Variants in GGNBP2 observed in about 807,000 individuals in gnomAD.
GGNBP2 encodes gametogenetin binding protein 2, also known as gametogenetin-binding protein 2.
GGNBP2 carries 10 observed loss-of-function variants against 85.9 expected under a neutral mutation model. That is an observed-to-expected ratio of 0.12 (90% CI 0.07 to 0.20). The LOEUF (loss-of-function observed/expected upper bound fraction) is 0.20, where lower values mean the gene tolerates loss of function less well. GGNBP2 is among the 10% of genes least tolerant of loss of function. The pLI is 1.00. For missense variants in GGNBP2, 595 were observed against 857.8 expected, an observed-to-expected ratio of 0.69 and a Z score of 3.83; for synonymous variants, 287 against 285.7, an observed-to-expected ratio of 1.00 and a Z score of -0.05.
intron 12 of GGNBP2, chr17:36,586,443 A>T: frequency 2.0e-6 from 1 of 494,454 alleles, no homozygotes; most frequent in Non-Finnish European, 3.6e-6. Context: ...TTTTAAAATT[A>T]TAAGCTGTGT....
intron 9 of GGNBP2, chr17:36,581,845 G>A: frequency 5.2e-6 from 1 of 194,044 alleles, no homozygotes; most frequent in Non-Finnish European, 1.0e-5. Context: ...ATGTAAAATG[G>A]TGTAATATTT....
chr17:36,579,023 CTTTATT>C (rs1466941911), intron 7 of GGNBP2: 3 of 486,938 alleles, frequency 6.2e-6, no homozygotes, highest in Admixed American at 7.1e-5. Context: ...TCCTGAATTA[CTTTATT>C]TTTAGCAATA....
intron 6 of GGNBP2, among the ~76,000 whole-genome samples, chr17:36,574,058 T>G (rs1032274869): frequency 2.6e-5 from 4 of 152,156 alleles, no homozygotes; most frequent in Non-Finnish European, 1.5e-5. Flanking sequence ...TTTCCCATTC[T>G]TTGGGTTGCC....
intron 9 of GGNBP2, among the ~76,000 whole-genome samples, chr17:36,583,710 G>A (rs1201184807): frequency 6.6e-6 from 1 of 152,034 alleles, no homozygotes; most frequent in Non-Finnish European, 1.5e-5. Flanking sequence ...CAGTCTGCCC[G>A]CTTCTGCCTC....
Position 36,560,878 on chromosome 17 carries a change from A to G in GGNBP2, c.527+7A>G, listed in dbSNP as rs898816969. Reference sequence around the variant, plus strand: ...ACAAGCCAAAACCTTTGGGGTAAGTAGAATTGAATACCAAGAGGCTTTGTC... The same window carrying G: ...ACAAGCCAAAACCTTTGGGGTAAGTGGAATTGAATACCAAGAGGCTTTGTC... On this transcript the variant is annotated splice_region_variant and intron_variant, in intron 5 of 13. Transcript: ENST00000613102. The G allele has an allele frequency of 2.2e-6, 3 of 1,382,824 alleles. No individual in the cohort carries two copies. Among genetic ancestry groups the G allele is most frequent in the Non-Finnish European group, 2.0e-6 (2 of 990,418 alleles). 85.7% of individuals were successfully genotyped at this position (1,382,824 alleles called of 1,614,324 possible). A position where few individuals can be genotyped will look rare whatever the true frequency, so the allele number is the denominator to read the frequency against.
intron 5 of GGNBP2, among the ~76,000 whole-genome samples, chr17:36,562,458 T>C (rs2074426822): frequency 6.6e-6 from 1 of 151,284 alleles, no homozygotes; most frequent in Admixed American, 6.6e-5. Flanking sequence ...CGTGAGCCAC[T>C]GCACCTGGCC....
At chr17:36,579,143 C>A in intron 7 of GGNBP2, 102 bp from the exon 8 acceptor site, 1 of 891,982 alleles carries the variant, frequency 1.1e-6, no homozygotes. Context: ...TGTCTTGTTA[C>A]TAGGTAAGCA....
At chr17:36,568,267 G>A (rs953026991) in intron 6 of GGNBP2, among the ~76,000 whole-genome samples, 6 of 151,416 alleles carry the variant, frequency 4.0e-5, no homozygotes, top group Non-Finnish European at 8.8e-5. Flanking sequence ...TAGCCTTCTT[G>A]TGTTAAGCCA....
At chr17:36,575,618 A>ATATATATG (rs2074569340) in intron 6 of GGNBP2, among the ~76,000 whole-genome samples, 1 of 65,056 alleles carries the variant, frequency 1.5e-5, no homozygotes. Context: ...TGTAACATAT[A>ATATATATG]TATATATATA....
intron 12 of GGNBP2, 101 bp downstream of exon 12, chr17:36,586,299 T>A: frequency 7.0e-7 from 1 of 1,426,268 alleles, no homozygotes; most frequent in Non-Finnish European, 9.2e-7. Flanking sequence ...TAGGATTTAC[T>A]TTTTTTAGAA....
intron 6 of GGNBP2, among the ~76,000 whole-genome samples, chr17:36,575,630 ATATATATATATATATATATT>A (rs1270703429): frequency 1.4e-4 from 6 of 42,898 alleles, no homozygotes; most frequent in African/African-American, 2.1e-4. Flanking sequence ...ATATATATAT[ATATATATATATATATATATT>A]TTTTTTTTTT....
chr17:36,576,649 GTATATA>G (rs1236643568), intron 6 of GGNBP2: 2 of 116,474 alleles, frequency 1.7e-5, no homozygotes, highest in Non-Finnish European at 3.3e-5. Flanking sequence ...ATATGTATAT[GTATATA>G]TATGTATATA....
In GGNBP2 at chr17:36,589,496, T is replaced by C. The variant is rs1332998813; in HGVS notation, c.*85T>C. On this transcript the variant is annotated 3_prime_UTR_variant, in exon 14 of 14. Transcript: ENST00000613102. Reference sequence around the variant, plus strand: ...TTCGAAAAACTCTTAATTTAGTGACTTATGGCAAAATTTTATCTTAAATCA... The same window carrying C: ...TTCGAAAAACTCTTAATTTAGTGACCTATGGCAAAATTTTATCTTAAATCA... 2.0e-5 allele frequency: 20 copies of C among 993,534 alleles called. No individual in the cohort carries two copies. The highest frequency in any genetic ancestry group is 2.9e-5 in the Non-Finnish European group (19 of 651,052). The allele number at this position is 993,534 out of a possible 1,614,324, so 61.5% of individuals were successfully genotyped here.
chr17:36,574,762 C>T (rs1376497668), intron 6 of GGNBP2: 8 of 638,464 alleles, frequency 1.3e-5, no homozygotes, highest in East Asian at 2.7e-5. Flanking sequence ...GGATGAGGCG[C>T]ACCAGCACAG....
At position 36,545,043 on chromosome 17, in the gene GGNBP2, G is replaced by A. The variant is rs946852360; in HGVS notation, c.-161G>A. Reference sequence around the variant, plus strand: ...TAACAGGGAGCAGAGGTGGGAGTTAGCGAGGCGACCACGAAAACGGTGAAG... The same window carrying A: ...TAACAGGGAGCAGAGGTGGGAGTTAACGAGGCGACCACGAAAACGGTGAAG... On this transcript the variant is annotated 5_prime_UTR_variant, in exon 1 of 14. Coordinates refer to ENST00000613102, the MANE Select transcript of GGNBP2 (RefSeq NM_024835.5). The A allele has an allele frequency of 1.3e-5, 2 of 152,948 alleles. No homozygotes were observed. Among genetic ancestry groups the A allele is most frequent in the African/African-American group, 4.8e-5 (2 of 41,438 alleles). The allele number at this position is 152,948 out of a possible 1,614,324, so 9.5% of individuals were successfully genotyped here. A position where few individuals can be genotyped will look rare whatever the true frequency, so the allele number is the denominator to read the frequency against.
At chr17:36,575,627 TATATATATATATATA>T in intron 6 of GGNBP2, among the ~76,000 whole-genome samples, 1 of 44,564 alleles carries the variant, frequency 2.2e-5, no homozygotes, top group African/African-American at 1.1e-4. Flanking sequence ...TATATATATA[TATATATATATATATA>T]TATATATTTT....
In GGNBP2 at chr17:36,589,193, T is replaced by C. The variant is rs2074733781; in HGVS notation, c.1891-15T>C. On this transcript the variant is annotated splice_polypyrimidine_tract_variant and intron_variant, in intron 13 of 13. Coordinates refer to ENST00000613102, the MANE Select transcript of GGNBP2 (RefSeq NM_024835.5). ...ATTCTTAAGTCATAGTCTTAACTAC[T>C]GCTTTAATTTGCAGGATGAGTCTGA... The C allele has an allele frequency of 2.5e-6, 4 of 1,581,396 alleles. No homozygotes were observed. Among genetic ancestry groups the C allele is most frequent in the Non-Finnish European group, 3.5e-6 (4 of 1,152,180 alleles).
At chr17:36,565,653 T>C (rs1426768992) in intron 5 of GGNBP2, among the ~76,000 whole-genome samples, 1 of 152,148 alleles carries the variant, frequency 6.6e-6, no homozygotes, top group Non-Finnish European at 1.5e-5. Flanking sequence ...ATCCCAGCAC[T>C]TTGGGAGGCC....
intron 5 of GGNBP2, among the ~76,000 whole-genome samples, chr17:36,563,516 C>T (rs537303869): frequency 2.0e-5 from 3 of 151,804 alleles, no homozygotes; most frequent in African/African-American, 7.2e-5. Context: ...TCACACATTG[C>T]CATCATAACA....
Sources: gnomAD v4.1 joint callset for allele counts (sites outside exome capture counted in the v4.1 genomes callset) on GRCh38, gnomAD v4.1.1 for gene constraint, MANE v1.5 for transcripts, NCBI Gene and HGNC (gene_info 2026-07-23, HGNC 2026-07-21) for gene names.